Variants in IFT52 observed in about 807,000 individuals in gnomAD.
IFT52 encodes intraflagellar transport protein 52 homolog.
In IFT52, 44 loss-of-function variants were observed where a neutral mutation model predicts 54.4. The ratio of observed to expected loss-of-function variants is 0.81; its 90% confidence interval spans 0.63 to 1.04. The LOEUF (loss-of-function observed/expected upper bound fraction) is 1.04. Ranked by LOEUF, IFT52 falls within the 50% of genes least tolerant of loss-of-function variation. IFT52 has a pLI of 0.00. For missense variants in IFT52, 452 were observed against 523.6 expected (o/e 0.86, Z 1.33); for synonymous variants, 181 against 185.3 (o/e 0.98, Z 0.19).
In IFT52 at chr20:43,603,888, T is replaced by C. The variant is rs1395415111; in HGVS notation, c.336T>C (p.Asn112=). The C allele has an allele frequency of 5.5e-6, 8 of 1,442,672 alleles. No individual in the cohort carries two copies. The highest frequency in any genetic ancestry group is 1.2e-5 in the South Asian group (1 of 84,690). 89.4% of individuals were successfully genotyped at this position (1,442,672 alleles called of 1,614,324 possible). A position where few individuals can be genotyped will look rare whatever the true frequency, so the allele number is the denominator to read the frequency against. Residue 112 remains asparagine (N), a splice_region_variant and synonymous_variant, in exon 4 of 14, where the codon AAT becomes AAC. Transcript: ENST00000373030. ...AAGAATATGGAATCATGGTTAATAA[T>C]GGTAATTAGTATTATTATTTTCAGT... ...LLEEYGIMVN[N]DAVVRNVYHK...
At chr20:43,595,163 A>G (rs1342415385) in intron 2 of IFT52, among the ~76,000 whole-genome samples, 3 of 151,974 alleles carry the variant, frequency 2.0e-5, no homozygotes, top group Non-Finnish European at 4.4e-5. Flanking sequence ...AAAATTAAAA[A>G]AAAAATTAGC....
chr20:43,617,069 A>G (rs894588229), intron 7 of IFT52, among the ~76,000 whole-genome samples: 3 of 152,146 alleles, frequency 2.0e-5, no homozygotes, highest in African/African-American at 7.2e-5. Context: ...ATGTGTTGGA[A>G]GCATTTTCCC....
At chr20:43,632,142 C>T (rs1270914756) in intron 10 of IFT52, among the ~76,000 whole-genome samples, 2 of 152,054 alleles carry the variant, frequency 1.3e-5, no homozygotes, top group African/African-American at 2.4e-5. Flanking sequence ...TCAGACTGGT[C>T]TTGAACTCCC....
intron 10 of IFT52, among the ~76,000 whole-genome samples, chr20:43,626,255 C>T (rs1984709517): frequency 6.6e-6 from 1 of 150,980 alleles, no homozygotes; most frequent in African/African-American, 2.4e-5. Context: ...CTAAAGCATA[C>T]ATCTTTTCCT....
intron 6 of IFT52, among the ~76,000 whole-genome samples, chr20:43,607,970 C>A (rs1983095495): frequency 6.6e-6 from 1 of 152,210 alleles, no homozygotes; most frequent in African/African-American, 2.4e-5. Flanking sequence ...CACAGCGAAA[C>A]CCCGTCTCCA....
At chr20:43,624,245 C>T (rs889675636) in intron 10 of IFT52, 200 bp downstream of exon 10, 86 of 592,452 alleles carry the variant, frequency 1.5e-4, no homozygotes, top group African/African-American at 1.4e-3. Flanking sequence ...TTATTAGCCC[C>T]TGCGTGTTCC....
At chr20:43,597,617 T>G (rs1982081494) in intron 3 of IFT52, among the ~76,000 whole-genome samples, 1 of 151,812 alleles carries the variant, frequency 6.6e-6, no homozygotes, top group East Asian at 2.0e-4. Context: ...ATGATGGCTG[T>G]GTGTGGTGGC....
intron 3 of IFT52, among the ~76,000 whole-genome samples, chr20:43,602,191 A>T (rs1019221750): frequency 2.3e-4 from 31 of 137,684 alleles, no homozygotes; most frequent in Admixed American, 1.3e-3. Flanking sequence ...TTTGAGACAG[A>T]GTCTTGCTCT....
At chr20:43,621,025 A>G in intron 9 of IFT52, 100 bp downstream of exon 9, 1 of 826,946 alleles carries the variant, frequency 1.2e-6, no homozygotes, top group Non-Finnish European at 2.0e-6. Context: ...GTCTTAACTC[A>G]TCTGTAAGAC....
At chr20:43,605,095 A>G in intron 6 of IFT52, 22 bp downstream of exon 6, 1 of 1,611,668 alleles carries the variant, frequency 6.2e-7, no homozygotes. Context: ...TTCTGATGCC[A>G]CATGAGGAAG....
chr20:43,615,938 G>GA (rs11476681), intron 7 of IFT52, among the ~76,000 whole-genome samples: 1 of 151,562 alleles, frequency 6.6e-6, no homozygotes. Flanking sequence ...CCGTCTCAAA[G>GA]AAAAAAAAAA....
At chr20:43,593,852 C>T (rs1431939455) in intron 1 of IFT52, among the ~76,000 whole-genome samples, 1 of 152,084 alleles carries the variant, frequency 6.6e-6, no homozygotes. Context: ...GCGTGAGCCA[C>T]TGCACCCAGC....
Position 43,638,033 on chromosome 20 carries a change from C to T in IFT52, c.1120+780C>T, listed in dbSNP as rs566486982. Among the ~76,000 whole-genome samples, 34 of 152,254 alleles carry T rather than the reference C, an allele frequency of 2.2e-4. 1 individual carries two copies. The highest frequency in any genetic ancestry group is 8.2e-4 in the African/African-American group (34 of 41,556). On this transcript the variant is annotated intron_variant, in intron 12 of 13. Coordinates refer to ENST00000373030, the MANE Select transcript of IFT52 (RefSeq NM_016004.5). Reference sequence around the variant, plus strand: ...TGAGGCCCCAGGCCACACAGCTCCACGGTGAGTGGTCCTCCTGACTTTTGG... The same window carrying T: ...TGAGGCCCCAGGCCACACAGCTCCATGGTGAGTGGTCCTCCTGACTTTTGG...
At chr20:43,636,157 G>A in intron 11 of IFT52, 144 bp downstream of exon 11, 1 of 705,230 alleles carries the variant, frequency 1.4e-6, no homozygotes, top group Non-Finnish European at 2.4e-6. Flanking sequence ...AACATGCATG[G>A]ACACCAAATT....
chr20:43,611,327 A>G (rs539527758), intron 6 of IFT52, among the ~76,000 whole-genome samples: 4 of 152,228 alleles, frequency 2.6e-5, no homozygotes, highest in Admixed American at 2.6e-4. Context: ...GTCTTTTAGG[A>G]AAACTCTTTC....
chr20:43,634,228 G>A (rs6031003), intron 10 of IFT52, among the ~76,000 whole-genome samples: 113,695 of 150,762 alleles, frequency 0.75, 42,983 homozygotes, highest in East Asian at 0.8. Flanking sequence ...AAAAAAAATA[G>A]AAGAAGAAGA....
chr20:43,598,160 A>G (rs144259088), intron 3 of IFT52, among the ~76,000 whole-genome samples: 7 of 152,316 alleles, frequency 4.6e-5, no homozygotes, highest in African/African-American at 1.2e-4. Context: ...TCTTGAGGAC[A>G]TTATGCCAAA....
intron 12 of IFT52, among the ~76,000 whole-genome samples, chr20:43,640,833 C>T (rs1036255341): frequency 2.5e-4 from 38 of 151,974 alleles, no homozygotes; most frequent in African/African-American, 8.5e-4. Context: ...CTCACGAGTT[C>T]GAGACCAGCT....
intron 7 of IFT52, among the ~76,000 whole-genome samples, chr20:43,614,923 C>T (rs75020808): frequency 0.03 from 4,573 of 151,872 alleles, 94 homozygotes; most frequent in Middle Eastern, 0.099. Flanking sequence ...ATTCTCCTGC[C>T]TCAGCCTCCC....
Sources: allele counts gnomAD v4.1 joint callset (sites outside exome capture counted in the v4.1 genomes callset), GRCh38; gene constraint gnomAD v4.1.1; transcripts MANE v1.5; gene names NCBI Gene and HGNC (gene_info 2026-07-23, HGNC 2026-07-21).